MACROD2: variants seen among roughly 807,000 people sequenced by gnomAD.
MACROD2 encodes mono-ADP ribosylhydrolase 2.
Under a neutral mutation model 70.4 loss-of-function variants are expected in MACROD2, and 36 were observed. The observed-to-expected ratio is 0.51, with a 90% CI of 0.39 to 0.68. The LOEUF is 0.68. Among genes scored for constraint, MACROD2 ranks in the 30% least tolerant of loss-of-function variants. The probability of loss-of-function intolerance (pLI) is 0.00; values close to 1 mark genes in which losing one functional copy is unlikely to be tolerated. For synonymous variants in MACROD2, 172 were observed against 178.8 expected (o/e 0.96, Z 0.30); for missense variants, 496 against 538.4 (o/e 0.92, Z 0.78).
At chr20:14,463,779 C>G (rs571786124) in intron 3 of MACROD2, among the ~76,000 whole-genome samples, 2 of 152,120 alleles carry the variant, frequency 1.3e-5, no homozygotes, top group African/African-American at 4.8e-5. Context: ...TTTTCTGCAT[C>G]TATTGAGATA....
chr20:15,997,886 G>T (rs1170663310), intron 15 of MACROD2, among the ~76,000 whole-genome samples: 1 of 151,720 alleles, frequency 6.6e-6, no homozygotes, highest in Non-Finnish European at 1.5e-5. Context: ...ATTGTTGAGT[G>T]TTTTTTTTCC....
chr20:15,344,444 A>C (rs1355264737), intron 6 of MACROD2, among the ~76,000 whole-genome samples: 1 of 152,218 alleles, frequency 6.6e-6, no homozygotes, highest in Non-Finnish European at 1.5e-5. Context: ...GGACAAACAA[A>C]CACTATGATT....
In MACROD2 at chr20:16,049,841, G is replaced by A; in HGVS notation, c.1312G>A (p.Asp438Asn). The change falls in exon 18 of 18, where the codon GAT becomes AAT. Residue 438 changes from aspartate (D) to asparagine (N), a missense_variant. Physicochemically the swap from Asp to Asn is conservative, Grantham distance 23. Transcript: ENST00000684519. ...QEDQLIAGAQ[D>N]EAKEQRNGTK ...CTCTTTGTCTTCAGCAGGGGCACAA[G>A]ATGAAGCGAAGGAACAAAGAAATGG... 1.2e-6 allele frequency: 2 copies of A among 1,606,760 alleles called. No individual in the cohort carries two copies. The highest frequency in any genetic ancestry group is 1.7e-6 in the Non-Finnish European group (2 of 1,175,470).
chr20:15,911,244 G>A (rs1272497489), intron 10 of MACROD2, among the ~76,000 whole-genome samples: 1 of 152,168 alleles, frequency 6.6e-6, no homozygotes, highest in Non-Finnish European at 1.5e-5. Flanking sequence ...TATGGACCAA[G>A]TAGGAGCTGA....
intron 4 of MACROD2, among the ~76,000 whole-genome samples, chr20:14,606,626 C>T (rs749509915): frequency 6.6e-6 from 1 of 152,090 alleles, no homozygotes; most frequent in Non-Finnish European, 1.5e-5. Context: ...AACTATGAGT[C>T]TTATGGGCCT....
intron 5 of MACROD2, among the ~76,000 whole-genome samples, chr20:15,156,810 G>A (rs398847): frequency 0.59 from 89,663 of 152,028 alleles, 26,580 homozygotes; most frequent in East Asian, 0.65. Context: ...CAGAAAACCT[G>A]GATTTGACTC....
At chr20:15,059,408 A>G (rs778546209) in intron 5 of MACROD2, among the ~76,000 whole-genome samples, 1 of 152,168 alleles carries the variant, frequency 6.6e-6, no homozygotes, top group Non-Finnish European at 1.5e-5. Context: ...AGAAAAAGAA[A>G]AAAAAAGAAA....
intron 5 of MACROD2, among the ~76,000 whole-genome samples, chr20:14,839,704 A>G (rs1442729396): frequency 6.6e-6 from 1 of 152,120 alleles, no homozygotes; most frequent in Non-Finnish European, 1.5e-5. Flanking sequence ...GTATTTGGGT[A>G]AAACTTATAT....
intron 5 of MACROD2, among the ~76,000 whole-genome samples, chr20:14,766,032 T>C (rs187110115): frequency 1.3e-5 from 2 of 152,138 alleles, no homozygotes; most frequent in East Asian, 1.9e-4. Context: ...ATCTACAACA[T>C]TGGATTCAGG....
chr20:16,052,272 T>C lies in MACROD2; in HGVS notation c.*2396T>C, dbSNP rs1568740034. On this transcript the variant is annotated 3_prime_UTR_variant, in exon 18 of 18. Coordinates refer to ENST00000684519, the MANE Select transcript of MACROD2 (RefSeq NM_001351661.2). ...AATAGTGAAATATTAACAATCTAAC[T>C]ATAGCCAGATCAAAGACACCTGAAC... 1 of 152,236 alleles carries C rather than the reference T, an allele frequency of 6.6e-6. No homozygotes were observed. Among genetic ancestry groups the C allele is most frequent in the Non-Finnish European group, 1.5e-5 (1 of 68,038 alleles). The allele number at this position is 152,236 out of a possible 1,614,324, so 9.4% of individuals were successfully genotyped here.
intron 4 of MACROD2, among the ~76,000 whole-genome samples, chr20:14,591,581 A>T (rs1224563039): frequency 6.6e-6 from 1 of 152,196 alleles, no homozygotes; most frequent in Non-Finnish European, 1.5e-5. Flanking sequence ...GATGAACTGG[A>T]CATTACTACC....
At chr20:14,467,343 G>T (rs186078192) in intron 3 of MACROD2, among the ~76,000 whole-genome samples, 1 of 152,276 alleles carries the variant, frequency 6.6e-6, no homozygotes, top group Admixed American at 6.5e-5. Context: ...GCCAGTTGCG[G>T]GATATAATCT....
intron 4 of MACROD2, among the ~76,000 whole-genome samples, chr20:14,598,561 C>G (rs906848036): frequency 6.6e-5 from 10 of 152,092 alleles, no homozygotes; most frequent in African/African-American, 2.2e-4. Context: ...ATTCCTAATC[C>G]TTCATATTGA....
At chr20:15,746,384 G>C (rs898734970) in intron 8 of MACROD2, among the ~76,000 whole-genome samples, 3 of 151,572 alleles carry the variant, frequency 2.0e-5, no homozygotes, top group African/African-American at 7.3e-5. Context: ...TTATCAATTT[G>C]ATAAGTTTTT....
chr20:14,979,118 A>G (rs2074773692), intron 5 of MACROD2, among the ~76,000 whole-genome samples: 1 of 142,760 alleles, frequency 7.0e-6, no homozygotes, highest in Admixed American at 7.1e-5. Flanking sequence ...TACCCAGCTA[A>G]TTTTTTTTTT....
intron 10 of MACROD2, among the ~76,000 whole-genome samples, chr20:15,914,025 T>G (rs1024194194): frequency 6.6e-6 from 1 of 152,198 alleles, no homozygotes; most frequent in African/African-American, 2.4e-5. Flanking sequence ...TTGAGATAAA[T>G]CTCATTGTTT....
rs1307557743 is a variant in MACROD2 at position 14,862,304 on chromosome 20, TA to T, written c.418+177348del. Among the ~76,000 whole-genome samples the T allele has an allele frequency of 2.6e-4, 10 of 38,626 alleles. 1 individual carries two copies. Among genetic ancestry groups the T allele is most frequent in the Non-Finnish European group, 4.2e-4 (10 of 24,084 alleles). 25.3% of individuals were successfully genotyped at this position (38,626 alleles called of 152,430 possible). A position where few individuals can be genotyped will look rare whatever the true frequency, so the allele number is the denominator to read the frequency against. The stretch of plus-strand genomic sequence containing the variant: ...TTATATATATTTATATAAATATATA[TA>T]AATATATGTAAATATATATATAAAA... On this transcript the variant is annotated intron_variant, in intron 5 of 17. Coordinates refer to ENST00000684519, the MANE Select transcript of MACROD2 (RefSeq NM_001351661.2).
At chr20:15,823,353 T>G (rs554204758) in intron 8 of MACROD2, among the ~76,000 whole-genome samples, 2 of 151,596 alleles carry the variant, frequency 1.3e-5, no homozygotes, top group South Asian at 4.2e-4. Flanking sequence ...AAATCATATT[T>G]GCAAAATAAG....
intron 8 of MACROD2, among the ~76,000 whole-genome samples, chr20:15,742,933 T>A (rs1347053110): frequency 6.6e-6 from 1 of 152,258 alleles, no homozygotes; most frequent in African/African-American, 2.4e-5. Context: ...GGACCTGCTG[T>A]TCTTGTGTAC....
Sources: gnomAD v4.1 joint callset for allele counts (sites outside exome capture counted in the v4.1 genomes callset) on GRCh38, gnomAD v4.1.1 for gene constraint, MANE v1.5 for transcripts, NCBI Gene and HGNC (gene_info 2026-07-23, HGNC 2026-07-21) for gene names.